Variants in ATG7 observed in about 807,000 individuals in gnomAD.
ATG7 encodes the protein autophagy related 7, also known as ubiquitin-like modifier-activating enzyme ATG7.
A neutral mutation model predicts 82.4 loss-of-function variants in ATG7; 70 were observed. The observed-to-expected ratio is 0.85, with a 90% confidence interval of 0.70 to 1.04. ATG7 has a LOEUF of 1.04. ATG7 is among the 50% of genes least tolerant of loss of function. The pLI is 0.00. For synonymous variants in ATG7, 287 were observed against 313.0 expected, an observed-to-expected ratio of 0.92 and a Z score of 0.88; for missense variants, 792 against 864.3, an observed-to-expected ratio of 0.92 and a Z score of 1.05.
intron 19 of ATG7, among the ~76,000 whole-genome samples, chr3:11,403,122 G>C: frequency 6.6e-6 from 1 of 152,072 alleles, no homozygotes; most frequent in Non-Finnish European, 1.5e-5. Context: ...GTTTCTTAAA[G>C]ATATTCAAGA....
chr3:11,372,324 C>T (rs753372768), intron 18 of ATG7, among the ~76,000 whole-genome samples: 2 of 150,648 alleles, frequency 1.3e-5, no homozygotes, highest in East Asian at 1.9e-4. Context: ...TTTTTCTAGA[C>T]GTTTCTATGG....
At chr3:11,298,891 T>C in intron 4 of ATG7, 36 bp downstream of exon 4, 1 of 1,610,258 alleles carries the variant, frequency 6.2e-7, no homozygotes, top group East Asian at 2.2e-5. Context: ...CATCATCTTC[T>C]GTTATCCTCA....
intron 20 of ATG7, among the ~76,000 whole-genome samples, chr3:11,549,507 C>T (rs2071581580): frequency 6.6e-6 from 1 of 152,180 alleles, no homozygotes; most frequent in African/African-American, 2.4e-5. Flanking sequence ...CCCCATTCCC[C>T]ACCCCTTCCA....
Position 11,494,450 on chromosome 3 carries a change from G to C in ATG7, c.2080-60361G>C, listed in dbSNP as rs543048157. Among the ~76,000 whole-genome samples the C allele has an allele frequency of 2.6e-5, 4 of 152,328 alleles. No homozygotes were observed. In the East Asian group the frequency reaches 7.7e-4, roughly 29 times the overall value. ...GTAACTTTAAGTTTGAAAACTGGGA[G>C]AGTCCATTTCTGTGTTAATTCAAAA... On this transcript the variant is annotated intron_variant, in intron 20 of 20. Coordinates refer to ENST00000693202, the MANE Select transcript of ATG7 (RefSeq NM_001349232.2).
At chr3:11,393,790 C>T (rs996887698) in intron 19 of ATG7, among the ~76,000 whole-genome samples, 2 of 152,014 alleles carry the variant, frequency 1.3e-5, no homozygotes, top group African/African-American at 2.4e-5. Flanking sequence ...AAGGGATTCT[C>T]GTGCCTCACC....
intron 14 of ATG7, among the ~76,000 whole-genome samples, chr3:11,349,426 A>G (rs1343084853): frequency 6.6e-6 from 1 of 152,132 alleles, no homozygotes; most frequent in Non-Finnish European, 1.5e-5. Flanking sequence ...AGTCCCAGCT[A>G]CACTAGTGGC....
intron 9 of ATG7, among the ~76,000 whole-genome samples, chr3:11,330,257 T>TTAAATTGG (rs1951459316): frequency 6.6e-6 from 1 of 152,192 alleles, no homozygotes; most frequent in African/African-American, 2.4e-5. Flanking sequence ...GAGGGGAAGG[T>TTAAATTGG]TTAAATTTTG....
intron 20 of ATG7, among the ~76,000 whole-genome samples, chr3:11,510,529 AC>A (rs1402208668): frequency 3.4e-5 from 5 of 149,086 alleles, no homozygotes; most frequent in Admixed American, 3.4e-4. Flanking sequence ...GACCCCCTCA[AC>A]CCCCCATCTC....
intron 10 of ATG7, 128 bp downstream of exon 10, chr3:11,331,556 A>G (rs1951652686): frequency 2.4e-6 from 2 of 830,366 alleles, no homozygotes; most frequent in African/African-American, 3.4e-5. Flanking sequence ...CATGGAAACC[A>G]GGTAATCAAT....
chr3:11,576,255 GCACTGTT>G, the ATG7 span, among the ~76,000 whole-genome samples: 6 of 152,192 alleles, frequency 3.9e-5, no homozygotes, highest in African/African-American at 1.4e-4. Context: ...TGCATGCTAA[GCACTGTT>G]TACAGGCAAA....
intron 20 of ATG7, among the ~76,000 whole-genome samples, chr3:11,514,231 T>C (rs1652470857): frequency 6.6e-6 from 1 of 152,210 alleles, no homozygotes; most frequent in South Asian, 2.1e-4. Context: ...TGAGTCAAGA[T>C]TGGAATCTGG....
rs1414132056 is a variant in ATG7, at chr3:11,522,263, G to A, written c.2080-32548G>A. ...CCCTGTGGAAGAGGTAAGTCACCAC[G>A]CAGAGGCTGGCAGATCATGTTGATG... On this transcript the variant is annotated intron_variant, in intron 20 of 20. Transcript: ENST00000693202. 2.0e-5 allele frequency among the ~76,000 whole-genome samples: 3 copies of A among 152,158 alleles called. No individual in the cohort carries two copies. In the East Asian group the frequency reaches 5.8e-4, roughly 29 times the overall value.
Position 11,360,795 on chromosome 3 carries a change from T to C in ATG7, c.1683+11T>C. ...GTGGCCCCAGGAGATGTAAGTGGAT[T>C]TCTCTATAGTTCCAAATATTTCCTA... On this transcript the variant is annotated intron_variant, in intron 16 of 20. Transcript: ENST00000693202. The C allele has an allele frequency of 6.2e-7, 1 of 1,613,842 alleles. No homozygotes were observed. The highest frequency in any genetic ancestry group is 8.5e-7 in the Non-Finnish European group (1 of 1,179,754).
In ATG7 at chr3:11,342,265, G is replaced by A; in HGVS notation, c.1111G>A (p.Ala371Thr). The A allele has an allele frequency of 6.2e-7, 1 of 1,612,866 alleles. No individual in the cohort carries two copies. Among genetic ancestry groups the A allele is most frequent in the Non-Finnish European group, 8.5e-7 (1 of 1,179,808 alleles). ...LGAGTLGCNV[A>T]RTLMGWGVRH... ...AGCCGGCACCTTGGGTTGCAATGTA[G>A]CTAGGACGTTGATGGTAAGTCGGAG... The change falls in exon 13 of 21, where the codon GCT becomes ACT. Residue 371 changes from alanine (A) to threonine (T), a missense_variant. Ala to Thr is a moderately conservative substitution (Grantham distance 58). Transcript: ENST00000693202.
intron 9 of ATG7, among the ~76,000 whole-genome samples, chr3:11,328,265 C>T (rs1490461017): frequency 6.6e-6 from 1 of 152,134 alleles, no homozygotes; most frequent in Non-Finnish European, 1.5e-5. Flanking sequence ...TATATTATTT[C>T]CTCCATGATT....
At chr3:11,566,691 G>A in the ATG7 span, among the ~76,000 whole-genome samples, 793 of 152,164 alleles carry the variant, frequency 5.2e-3, 6 homozygotes, top group Non-Finnish European at 8.9e-3. Flanking sequence ...CCTCCTCCCC[G>A]TCCTGCGCTG....
At chr3:11,536,210 T>C (rs2070281336) in intron 20 of ATG7, among the ~76,000 whole-genome samples, 1 of 152,184 alleles carries the variant, frequency 6.6e-6, no homozygotes, top group Admixed American at 6.5e-5. Flanking sequence ...TTCAGTAGAT[T>C]GAGAGGCTCA....
intron 6 of ATG7, 123 bp from the exon 7 acceptor site, chr3:11,308,861 G>A (rs1037065741): frequency 4.7e-6 from 4 of 850,442 alleles, no homozygotes; most frequent in Admixed American, 3.6e-5. Flanking sequence ...CATTGTTTGG[G>A]GTAAGTGGTG....
At position 11,362,813 on chromosome 3, in the gene ATG7, T is replaced by A. The variant is rs149011664; in HGVS notation, c.1684T>A (p.Ser562Thr). Residue 562 changes from serine (S) to threonine (T), a missense_variant and splice_region_variant, in exon 17 of 21, where the codon TCA becomes ACA. Ser to Thr is a moderately conservative substitution (Grantham distance 58). Transcript: ENST00000693202. Reference protein sequence around the residue: ...FCNDVVAPGDSTRDRTLDQQC... With the variant: ...FCNDVVAPGDTTRDRTLDQQC... ...CACACCAATGATTGTTTCTTTGCAG[T>A]CAACCAGAGACCGGACCTTGGACCA... is the stretch of plus-strand genomic sequence containing the variant. 2 of 1,613,672 alleles carry A rather than the reference T, an allele frequency of 1.2e-6. No homozygotes were observed. Among genetic ancestry groups the A allele is most frequent in the Non-Finnish European group, 1.7e-6 (2 of 1,179,842 alleles).
Sources: allele counts gnomAD v4.1 joint callset (sites outside exome capture counted in the v4.1 genomes callset), GRCh38; gene constraint gnomAD v4.1.1; transcripts MANE v1.5; gene names NCBI Gene and HGNC (gene_info 2026-07-23, HGNC 2026-07-21).